Variants in CABIN1 observed in about 807,000 individuals in gnomAD.
CABIN1 encodes the protein calcineurin-binding protein cabin-1.
Under a neutral mutation model 227.7 loss-of-function variants are expected in CABIN1, and 133 were observed. That is an observed-to-expected ratio of 0.58 (90% CI 0.51 to 0.67). The LOEUF is 0.67. CABIN1 is among the 30% of genes least tolerant of loss of function. The pLI is 0.00. For synonymous variants in CABIN1, 1,086 were observed against 1,155.1 expected, an observed-to-expected ratio of 0.94 and a Z score of 1.21; for missense variants, 2,408 against 2,852.5, an observed-to-expected ratio of 0.84 and a Z score of 3.55.
At chr22:24,012,926 A>T (rs897638925) in intron 1 of CABIN1, among the ~76,000 whole-genome samples, 1 of 151,714 alleles carries the variant, frequency 6.6e-6, no homozygotes, top group African/African-American at 2.4e-5. Context: ...ATGCTTGGCT[A>T]ATTTTTGTAT....
At chr22:24,053,433 A>G (rs1311748177) in intron 8 of CABIN1, among the ~76,000 whole-genome samples, 1 of 151,890 alleles carries the variant, frequency 6.6e-6, no homozygotes, top group Non-Finnish European at 1.5e-5. Context: ...GCTGGAGTGC[A>G]GTGGTGCGAT....
At chr22:24,134,515 C>T in intron 29 of CABIN1, 100 bp downstream of exon 29, 1 of 953,024 alleles carries the variant, frequency 1.0e-6, no homozygotes, top group Admixed American at 2.0e-5. Flanking sequence ...CCCAGGGCCT[C>T]AAGTTTGCGG....
In CABIN1 at chr22:24,098,012, A is replaced by G. The variant is rs2041994492; in HGVS notation, c.3939-2A>G. 1 of 1,614,036 alleles carries G rather than the reference A, an allele frequency of 6.2e-7. No homozygotes were observed. The highest frequency in any genetic ancestry group is 1.3e-5 in the African/African-American group (1 of 74,916). ...CTGTGCCCCAAACCTCTGTTCCCAC[A>G]GGGAGAAGGCCTGCCTGGTGGACGA... On this transcript the variant is annotated splice_acceptor_variant, in intron 25 of 36. Transcript: ENST00000263119. LOFTEE classifies it high-confidence loss of function.
chr22:24,056,575 G>T, intron 10 of CABIN1: 1 of 580,440 alleles, frequency 1.7e-6, no homozygotes, highest in South Asian at 2.1e-5. Flanking sequence ...GAAGTCAGGA[G>T]CTGTGACTTG....
chr22:24,014,447 A>G (rs1382626458), intron 1 of CABIN1, among the ~76,000 whole-genome samples: 1 of 145,248 alleles, frequency 6.9e-6, no homozygotes, highest in African/African-American at 2.6e-5. Context: ...TCAAGCACTT[A>G]CTTTATGGCA....
At chr22:24,070,065 C>CAAAAAAAAA (rs66725021) in intron 16 of CABIN1, among the ~76,000 whole-genome samples, 1 of 115,406 alleles carries the variant, frequency 8.7e-6, no homozygotes. Flanking sequence ...TATTCTAGGC[C>CAAAAAAAAA]AAAAAAAAAA....
At chr22:24,034,089 A>G (rs2036691741) in intron 1 of CABIN1, among the ~76,000 whole-genome samples, 1 of 152,228 alleles carries the variant, frequency 6.6e-6, no homozygotes, top group Admixed American at 6.5e-5. Context: ...GGAATGCACA[A>G]CCGAGATCCC....
At chr22:24,082,156 C>T (rs1424530461) in intron 19 of CABIN1, among the ~76,000 whole-genome samples, 2 of 141,052 alleles carry the variant, frequency 1.4e-5, no homozygotes, top group Non-Finnish European at 3.0e-5. Context: ...GTGGTACGAT[C>T]ACAGCTCACT....
At position 24,103,065 on chromosome 22, in the gene CABIN1, G is replaced by A. The variant is rs1183447700; in HGVS notation, c.4117+4873G>A. On this transcript the variant is annotated intron_variant, in intron 26 of 36. Coordinates refer to ENST00000263119, the MANE Select transcript of CABIN1 (RefSeq NM_012295.4). ...TTGTCTTTCTGCTTGCACCTGTCAC[G>A]GCTCGCTTCAGGGAACAGCGCAGAC... 6 of 152,216 alleles carry A rather than the reference G, an allele frequency of 3.9e-5. No individual in the cohort carries two copies. The East Asian group carries it at 7.8e-4, about 20-fold the overall frequency. 9.4% of individuals were successfully genotyped at this position (152,216 alleles called of 1,614,324 possible). A position where few individuals can be genotyped will look rare whatever the true frequency, so the allele number is the denominator to read the frequency against.
intron 19 of CABIN1, among the ~76,000 whole-genome samples, chr22:24,081,473 T>C (rs1249542564): frequency 6.6e-6 from 1 of 152,228 alleles, no homozygotes; most frequent in Non-Finnish European, 1.5e-5. Context: ...GTTATGCCCC[T>C]TTTTCATTGC....
intron 34 of CABIN1, among the ~76,000 whole-genome samples, chr22:24,174,521 C>T (rs1449067064): frequency 6.6e-6 from 1 of 152,180 alleles, no homozygotes; most frequent in African/African-American, 2.4e-5. Flanking sequence ...CCACGAAGAC[C>T]CAGCTCCTGT....
rs200199057 is a variant in CABIN1, at chr22:24,066,145, CAA to C, written c.2038-841_2038-840del. Among the ~76,000 whole-genome samples, 97 of 152,320 alleles carry C rather than the reference CAA, an allele frequency of 6.4e-4. 1 individual carries two copies. The East Asian group carries it at 0.016, about 25-fold the overall frequency. On this transcript the variant is annotated intron_variant, in intron 15 of 36. Coordinates refer to ENST00000263119, the MANE Select transcript of CABIN1 (RefSeq NM_012295.4). ...CCAGGGTTGACCTGTTTCTGAGGAACAAGAGAGCTTCCCATATGCTGAGTGGG... is the reference window on the plus strand; with the variant it reads ...CCAGGGTTGACCTGTTTCTGAGGAACGAGAGCTTCCCATATGCTGAGTGGG...
chr22:24,141,547 G>A (rs2044758399), intron 29 of CABIN1, among the ~76,000 whole-genome samples: 1 of 152,240 alleles, frequency 6.6e-6, no homozygotes, highest in Non-Finnish European at 1.5e-5. Context: ...CACCTTGCCA[G>A]GTGTTTTGGC....
At chr22:24,084,979 C>T in intron 21 of CABIN1, 27 bp from the exon 22 acceptor site, 1 of 1,614,170 alleles carries the variant, frequency 6.2e-7, no homozygotes, top group Non-Finnish European at 8.5e-7. Context: ...CTCCACCTCC[C>T]CTCATACTTT....
rs762846203 is a variant in CABIN1, at chr22:24,050,920, T to G, written c.752T>G (p.Ile251Ser). Reference protein sequence around the residue: ...LGLRKKRQALIVREKEPDLKL... With the variant: ...LGLRKKRQALSVREKEPDLKL... Reference sequence around the variant, plus strand: ...CTGCGAAAAAAGAGGCAAGCGCTGATTGTGCGGGAGAAGGAGCCGGACCTG... The same window carrying G: ...CTGCGAAAAAAGAGGCAAGCGCTGAGTGTGCGGGAGAAGGAGCCGGACCTG... Residue 251 changes from isoleucine to serine, a missense_variant, in exon 8 of 37, where the codon ATT becomes AGT. Physicochemically the swap from Ile to Ser is moderately radical, Grantham distance 142. This residue lies in a region of CABIN1 where 1,045 missense variants were observed against 1,168.4 expected (regional missense o/e 0.89). Coordinates refer to ENST00000263119, the MANE Select transcript of CABIN1 (RefSeq NM_012295.4). 19 of 1,614,096 alleles carry G rather than the reference T, an allele frequency of 1.2e-5. No individual in the cohort carries two copies. Among genetic ancestry groups the G allele is most frequent in the Non-Finnish European group, 9.3e-6 (11 of 1,180,042 alleles).
At chr22:24,147,091 C>G (rs1352031569) in intron 29 of CABIN1, among the ~76,000 whole-genome samples, 1 of 152,222 alleles carries the variant, frequency 6.6e-6, no homozygotes, top group Non-Finnish European at 1.5e-5. Context: ...CCCCCTCTGC[C>G]CCCAGCTGCC....
At chr22:24,158,149 G>A (rs2045948436) in intron 29 of CABIN1, among the ~76,000 whole-genome samples, 1 of 152,212 alleles carries the variant, frequency 6.6e-6, no homozygotes, top group Admixed American at 6.5e-5. Context: ...TGTGAACAGA[G>A]CTGGCAGAGC....
At chr22:24,080,284 T>C (rs1382630222) in intron 19 of CABIN1, among the ~76,000 whole-genome samples, 1 of 152,188 alleles carries the variant, frequency 6.6e-6, no homozygotes, top group East Asian at 1.9e-4. Flanking sequence ...CAATACTGAA[T>C]TGTCTTTGAG....
At chr22:24,156,100 G>A in intron 29 of CABIN1, 4 of 411,152 alleles carry the variant, frequency 9.7e-6, no homozygotes, top group Non-Finnish European at 1.3e-5. Flanking sequence ...GGGGGCGGGG[G>A]CCGGGACTGG....
Sources: allele counts gnomAD v4.1 joint callset (sites outside exome capture counted in the v4.1 genomes callset), GRCh38; gene constraint gnomAD v4.1.1; regional missense constraint gnomAD v4.1.1; transcripts MANE v1.5; gene names NCBI Gene and HGNC (gene_info 2026-07-23, HGNC 2026-07-21).